Variants in GRB14 observed in about 807,000 individuals in gnomAD.
The protein encoded by GRB14 is growth factor receptor bound protein 14.
Under a neutral mutation model 69.1 loss-of-function variants are expected in GRB14, and 38 were observed. The ratio of observed to expected loss-of-function variants is 0.55; its 90% CI spans 0.42 to 0.72. The LOEUF is 0.72. GRB14 is among the 30% of genes least tolerant of loss of function. The pLI is 0.00. For synonymous variants in GRB14, 247 were observed against 241.3 expected, an observed-to-expected ratio of 1.02 and a Z score of -0.22; for missense variants, 666 against 666.1, an observed-to-expected ratio of 1.00 and a Z score of 0.00.
intron 2 of GRB14, among the ~76,000 whole-genome samples, chr2:164,595,921 C>A (rs556311896): frequency 6.6e-6 from 1 of 152,100 alleles, no homozygotes; most frequent in Non-Finnish European, 1.5e-5. Flanking sequence ...ATCAGGAGAT[C>A]GAGACCATCC....
intron 3 of GRB14, among the ~76,000 whole-genome samples, chr2:164,545,083 G>A (rs1478964196): frequency 6.6e-6 from 1 of 152,122 alleles, no homozygotes; most frequent in Non-Finnish European, 1.5e-5. Context: ...TTTGTATATT[G>A]GCAGCTATGC....
intron 2 of GRB14, among the ~76,000 whole-genome samples, chr2:164,606,057 C>T (rs531668472): frequency 6.6e-6 from 1 of 152,300 alleles, no homozygotes; most frequent in South Asian, 2.1e-4. Flanking sequence ...GTATTCTACT[C>T]ATAAATACAG....
At chr2:164,497,526 T>G (rs756146153) in intron 9 of GRB14, 36 bp from the exon 10 acceptor site, 11 of 1,287,390 alleles carry the variant, frequency 8.5e-6, no homozygotes, top group Admixed American at 2.1e-5. Flanking sequence ...TATGAAAATT[T>G]CTTTGAAAGT....
At chr2:164,503,131 T>C (rs895779722) in intron 8 of GRB14, among the ~76,000 whole-genome samples, 33 of 148,476 alleles carry the variant, frequency 2.2e-4, no homozygotes, top group African/African-American at 7.7e-4. Flanking sequence ...CACATCTGAA[T>C]TTGGAAGCTA....
chr2:164,619,930 C>T, intron 1 of GRB14, 111 bp from the exon 2 acceptor site: 1 of 826,926 alleles, frequency 1.2e-6, no homozygotes, highest in Non-Finnish European at 2.0e-6. Context: ...TGTGACAAGG[C>T]TCATATTATA....
At chr2:164,521,632 A>G (rs1430576034) in intron 6 of GRB14, among the ~76,000 whole-genome samples, 2 of 152,112 alleles carry the variant, frequency 1.3e-5, no homozygotes, top group African/African-American at 4.8e-5. Flanking sequence ...AGTAGACAAG[A>G]TCAGCAGTAT....
At chr2:164,582,334 C>T (rs570770179) in intron 2 of GRB14, among the ~76,000 whole-genome samples, 10 of 152,292 alleles carry the variant, frequency 6.6e-5, no homozygotes, top group African/African-American at 2.4e-4. Context: ...TCCATATCCA[C>T]TCTGTCACCA....
At chr2:164,539,553 A>C (rs1335174180) in intron 3 of GRB14, among the ~76,000 whole-genome samples, 1 of 152,058 alleles carries the variant, frequency 6.6e-6, no homozygotes, top group Non-Finnish European at 1.5e-5. Context: ...CAGGTTCAGG[A>C]ACTTACCACA....
chr2:164,562,287 A>G (rs1688849238), intron 2 of GRB14, among the ~76,000 whole-genome samples: 1 of 152,200 alleles, frequency 6.6e-6, no homozygotes, highest in African/African-American at 2.4e-5. Context: ...AGGACACTGA[A>G]AGGAGGAGTA....
chr2:164,557,484 T>G (rs1372465081), intron 2 of GRB14, among the ~76,000 whole-genome samples: 9 of 152,206 alleles, frequency 5.9e-5, no homozygotes, highest in African/African-American at 1.9e-4. Context: ...TACAAAGTGG[T>G]AAGAGAATCA....
intron 2 of GRB14, among the ~76,000 whole-genome samples, chr2:164,591,521 A>C (rs1689663491): frequency 6.6e-6 from 1 of 152,122 alleles, no homozygotes; most frequent in Non-Finnish European, 1.5e-5. Context: ...TTCAGGTCCA[A>C]CTGCATCCTA....
intron 2 of GRB14, among the ~76,000 whole-genome samples, chr2:164,571,519 T>C (rs901317502): frequency 6.6e-6 from 1 of 152,200 alleles, no homozygotes; most frequent in African/African-American, 2.4e-5. Context: ...TATTTGATAA[T>C]TGGATAGAAC....
At chr2:164,615,751 T>C (rs116498970) in intron 2 of GRB14, among the ~76,000 whole-genome samples, 1 of 152,328 alleles carries the variant, frequency 6.6e-6, no homozygotes, top group African/African-American at 2.4e-5. Flanking sequence ...TCTTACTTAG[T>C]TGTACAACAT....
chr2:164,558,746 A>G (rs1421678168), intron 2 of GRB14, among the ~76,000 whole-genome samples: 1 of 152,220 alleles, frequency 6.6e-6, no homozygotes, highest in Non-Finnish European at 1.5e-5. Flanking sequence ...CAGCCATAAG[A>G]CATGTCTAAG....
chr2:164,557,747 C>T (rs1265225621), intron 2 of GRB14, among the ~76,000 whole-genome samples: 1 of 152,122 alleles, frequency 6.6e-6, no homozygotes, highest in South Asian at 2.1e-4. Context: ...CATCTCCACA[C>T]CAGCTCTGTA....
intron 8 of GRB14, among the ~76,000 whole-genome samples, chr2:164,507,957 G>C (rs1026917163): frequency 6.6e-6 from 1 of 152,148 alleles, no homozygotes; most frequent in South Asian, 2.1e-4. Flanking sequence ...TACTTAGCAC[G>C]AGAGTAGATG....
chr2:164,543,211 G>GA (rs371108373), intron 3 of GRB14, among the ~76,000 whole-genome samples: 14 of 151,960 alleles, frequency 9.2e-5, no homozygotes, highest in African/African-American at 3.4e-4. Context: ...TGATGCACAA[G>GA]AATAGCTTGA....
chr2:164,495,718 C>T (rs887274828), intron 12 of GRB14, among the ~76,000 whole-genome samples: 7 of 152,070 alleles, frequency 4.6e-5, no homozygotes, highest in African/African-American at 7.2e-5. Flanking sequence ...TGTGAGATTC[C>T]GACATTACAT....
chr2:164,582,444 A>T, intron 2 of GRB14, among the ~76,000 whole-genome samples: 1 of 146,496 alleles, frequency 6.8e-6, no homozygotes, highest in African/African-American at 2.5e-5. Context: ...TTTTTTGAGA[A>T]GGAGTCTCGC....
Sources: allele counts gnomAD v4.1 joint callset (sites outside exome capture counted in the v4.1 genomes callset), GRCh38; gene constraint gnomAD v4.1.1; transcripts MANE v1.5; gene names NCBI Gene and HGNC (gene_info 2026-07-23, HGNC 2026-07-21).